PIGB: variants seen among roughly 807,000 people sequenced by gnomAD.
The protein encoded by PIGB is GPI alpha-1,2-mannosyltransferase 3.
Under a neutral mutation model 68.4 loss-of-function variants are expected in PIGB, and 58 were observed. That is an observed-to-expected ratio of 0.85 (90% CI 0.69 to 1.06). The LOEUF is 1.06. Among genes scored for constraint, PIGB ranks in the 50% least tolerant of loss-of-function variants. PIGB has a pLI of 0.00. For synonymous variants in PIGB, 219 were observed against 220.5 expected (o/e 0.99, Z 0.06); for missense variants, 634 against 655.8 (o/e 0.97, Z 0.36).
At chr15:55,350,145 A>G (rs2055889746) in intron 9 of PIGB, 1 of 151,992 alleles carries the variant, frequency 6.6e-6, no homozygotes, top group East Asian at 1.9e-4. Context: ...CTGTTGTGGG[A>G]AAAAAAATGT....
Position 55,355,562 on chromosome 15 carries a change from C to G in PIGB, c.*130C>G. On this transcript the variant is annotated 3_prime_UTR_variant, in exon 12 of 12. Coordinates refer to ENST00000164305, the MANE Select transcript of PIGB (RefSeq NM_004855.5). ...TGAACTGCTTTACCAAATATCACTACTGAGGAAATGTATAAAATACCACAT... is the reference window on the plus strand; with the variant it reads ...TGAACTGCTTTACCAAATATCACTAGTGAGGAAATGTATAAAATACCACAT... 1 of 656,802 alleles carries G rather than the reference C, an allele frequency of 1.5e-6. No homozygotes were observed. Among genetic ancestry groups the G allele is most frequent in the Non-Finnish European group, 2.6e-6 (1 of 390,092 alleles). 40.7% of individuals were successfully genotyped at this position (656,802 alleles called of 1,614,324 possible).
intron 3 of PIGB, chr15:55,324,820 CAGAGT>C: frequency 1.0e-6 from 1 of 984,702 alleles, no homozygotes; most frequent in Non-Finnish European, 1.2e-6. Context: ...GCTCCCTATG[CAGAGT>C]AAACAGAAGG....
At chr15:55,325,065 G>A (rs2141167547) in intron 3 of PIGB, among the ~76,000 whole-genome samples, 1 of 152,250 alleles carries the variant, frequency 6.6e-6, no homozygotes, top group Admixed American at 6.5e-5. Context: ...GGTGGATCAC[G>A]CCTGTAATCC....
At chr15:55,324,853 T>C (rs2055244370) in intron 3 of PIGB, 2 of 969,214 alleles carry the variant, frequency 2.1e-6, no homozygotes, top group Non-Finnish European at 2.5e-6. Flanking sequence ...ATGAGTGCCT[T>C]TTCCTGTATT....
At chr15:55,332,873 G>A (rs1197998255) in intron 5 of PIGB, among the ~76,000 whole-genome samples, 2 of 152,116 alleles carry the variant, frequency 1.3e-5, no homozygotes, top group Non-Finnish European at 2.9e-5. Context: ...ATAAAAATCT[G>A]TATTTCTATC....
intron 3 of PIGB, among the ~76,000 whole-genome samples, chr15:55,323,801 T>A (rs1161263863): frequency 1.3e-5 from 2 of 152,188 alleles, no homozygotes; most frequent in Non-Finnish European, 2.9e-5. Flanking sequence ...TCATGTTATA[T>A]GTCTTTTGGC....
chr15:55,346,441 G>A (rs1001222824), intron 9 of PIGB: 9 of 152,108 alleles, frequency 5.9e-5, no homozygotes, highest in African/African-American at 2.2e-4. Context: ...TTCCCCAGAG[G>A]TAACTATTGT....
At chr15:55,332,068 C>A (rs2055428857) in intron 5 of PIGB, among the ~76,000 whole-genome samples, 1 of 151,952 alleles carries the variant, frequency 6.6e-6, no homozygotes, top group South Asian at 2.1e-4. Context: ...ACCTCTGCCT[C>A]CTGGGTTCAA....
intron 3 of PIGB, among the ~76,000 whole-genome samples, chr15:55,322,781 C>A (rs1415062875): frequency 2.0e-5 from 3 of 152,144 alleles, no homozygotes; most frequent in African/African-American, 7.2e-5. Context: ...GAGTTTCTTC[C>A]ATTAACAACA....
chr15:55,320,552 AG>A (rs1274923652), intron 2 of PIGB, 142 bp downstream of exon 2: 182 of 633,586 alleles, frequency 2.9e-4, no homozygotes, highest in Non-Finnish European at 4.4e-4. Context: ...TTGAAACTGT[AG>A]ACAGTACCAA....
chr15:55,353,478 A>G, intron 10 of PIGB, among the ~76,000 whole-genome samples: 1 of 151,800 alleles, frequency 6.6e-6, no homozygotes. Flanking sequence ...GAAATTTTAA[A>G]TGTTTGTATC....
intron 3 of PIGB, 55 bp from the exon 4 acceptor site, chr15:55,327,476 C>A: frequency 8.8e-7 from 1 of 1,137,148 alleles, no homozygotes; most frequent in Non-Finnish European, 1.3e-6. Context: ...TATCATAATT[C>A]AGTTTGAACC....
intron 11 of PIGB, 86 bp downstream of exon 11, chr15:55,355,064 C>G (rs1340572537): frequency 1.7e-6 from 2 of 1,145,562 alleles, no homozygotes; most frequent in East Asian, 2.6e-5. Flanking sequence ...ATAATATAAC[C>G]TTTTTATGGT....
chr15:55,334,620 G>T (rs769827896), intron 6 of PIGB, among the ~76,000 whole-genome samples: 1 of 152,130 alleles, frequency 6.6e-6, no homozygotes, highest in Non-Finnish European at 1.5e-5. Flanking sequence ...ATCATGCACC[G>T]CATAATGACA....
At chr15:55,324,763 A>G in intron 3 of PIGB, 1 of 976,864 alleles carries the variant, frequency 1.0e-6, no homozygotes, top group Non-Finnish European at 1.2e-6. Flanking sequence ...TTGACTTTTC[A>G]TATGAACTGC....
chr15:55,352,149 T>C (rs1028500736), intron 10 of PIGB, among the ~76,000 whole-genome samples: 23 of 151,886 alleles, frequency 1.5e-4, no homozygotes, highest in Admixed American at 4.6e-4. Flanking sequence ...GGTTTCTCCA[T>C]GTTGGTCAGG....
chr15:55,335,359 G>A (rs2055510867), intron 6 of PIGB, among the ~76,000 whole-genome samples: 1 of 152,170 alleles, frequency 6.6e-6, no homozygotes, highest in Non-Finnish European at 1.5e-5. Flanking sequence ...TCATTTCTCA[G>A]ATGTATTAAT....
chr15:55,351,171 G>A (rs1264448393), intron 10 of PIGB, among the ~76,000 whole-genome samples: 4 of 148,656 alleles, frequency 2.7e-5, no homozygotes, highest in African/African-American at 7.5e-5. Context: ...GCAGTGGCGC[G>A]ATCTCGGCTC....
At chr15:55,334,083 T>C (rs1218521003) in intron 6 of PIGB, 76 bp downstream of exon 6, 21 of 1,062,994 alleles carry the variant, frequency 2.0e-5, no homozygotes, top group Middle Eastern at 2.3e-4. Context: ...TTTACATCTT[T>C]CAGTTAATTA....
Sources: allele counts gnomAD v4.1 joint callset (sites outside exome capture counted in the v4.1 genomes callset), GRCh38; gene constraint gnomAD v4.1.1; transcripts MANE v1.5; gene names NCBI Gene and HGNC (gene_info 2026-07-23, HGNC 2026-07-21).